The following CNBD1 variants were observed in gnomAD, a reference collection of about 807,000 sequenced individuals.
CNBD1 encodes cyclic nucleotide-binding domain-containing protein 1.
A neutral mutation model predicts 54.4 loss-of-function variants in CNBD1; 71 were observed. That is an observed-to-expected ratio of 1.30 (90% CI 1.08 to 1.59). CNBD1 has a LOEUF of 1.59. Among genes scored for constraint, CNBD1 ranks in the 40% most tolerant of loss-of-function variants. The probability of loss-of-function intolerance (pLI) is 0.00; values close to 1 mark genes in which losing one functional copy is unlikely to be tolerated. For synonymous variants in CNBD1, 182 were observed against 170.7 expected (o/e 1.07, Z -0.51); for missense variants, 659 against 518.0 (o/e 1.27, Z -2.64).
At chr8:86,878,562 T>A (rs1808559877) in intron 1 of CNBD1, among the ~76,000 whole-genome samples, 1 of 142,706 alleles carries the variant, frequency 7.0e-6, no homozygotes, top group Non-Finnish European at 1.5e-5. Flanking sequence ...CTCTGTATTA[T>A]CACAACTTTA....
At chr8:87,284,909 T>A in intron 7 of CNBD1, 94 bp downstream of exon 7, 1 of 912,188 alleles carries the variant, frequency 1.1e-6, no homozygotes, top group Non-Finnish European at 1.6e-6. Context: ...ATATCTGTTT[T>A]ATTTTTAAAT....
At chr8:86,976,242 C>G (rs1808340223) in intron 4 of CNBD1, among the ~76,000 whole-genome samples, 1 of 121,170 alleles carries the variant, frequency 8.3e-6, no homozygotes, top group Non-Finnish European at 1.7e-5. Context: ...GATGCAAGCT[C>G]ATTTGTCTAT....
At chr8:87,138,325 A>G (rs1016914834) in intron 4 of CNBD1, among the ~76,000 whole-genome samples, 7 of 152,188 alleles carry the variant, frequency 4.6e-5, no homozygotes, top group Admixed American at 2.6e-4. Flanking sequence ...GTGGGAATCC[A>G]GTTGTAATCT....
At position 87,414,219 on chromosome 8, in the gene CNBD1, G is replaced by T. The variant is rs1056580101; in HGVS notation, c.214-14327G>T. Among the ~76,000 whole-genome samples, 5 of 152,222 alleles carry T rather than the reference G, an allele frequency of 3.3e-5. No homozygotes were observed. In the South Asian group the frequency reaches 6.2e-4, roughly 19 times the overall value. Reference sequence around the variant, plus strand: ...AAAAAATGAAGAGTTCATGTCCTTTGTAGGGACATGGATGAAACTGGAAAT... The same window carrying T: ...AAAAAATGAAGAGTTCATGTCCTTTTTAGGGACATGGATGAAACTGGAAAT... On this transcript the variant is annotated intron_variant, in intron 2 of 7. Transcript: ENST00000521593.
chr8:87,312,745 C>T (rs1389532531), intron 8 of CNBD1, among the ~76,000 whole-genome samples: 1 of 151,824 alleles, frequency 6.6e-6, no homozygotes, highest in Non-Finnish European at 1.5e-5. Context: ...TTAGAAGACT[C>T]AGAAATTTCA....
intron 10 of CNBD1, among the ~76,000 whole-genome samples, chr8:87,372,719 A>C (rs1820353825): frequency 6.6e-6 from 1 of 151,830 alleles, no homozygotes; most frequent in South Asian, 2.1e-4. Context: ...TAAAATTCTC[A>C]AACTTTTATG....
At chr8:87,320,109 T>C (rs957662868) in intron 8 of CNBD1, among the ~76,000 whole-genome samples, 4 of 152,090 alleles carry the variant, frequency 2.6e-5, no homozygotes, top group African/African-American at 4.8e-5. Context: ...CATGACATTG[T>C]GATAGATGTT....
chr8:87,025,619 C>T (rs1563439484), intron 4 of CNBD1, among the ~76,000 whole-genome samples: 2 of 152,144 alleles, frequency 1.3e-5, no homozygotes, highest in Admixed American at 1.3e-4. Context: ...GTAACACTCA[C>T]TGTGAAGGTC....
intron 4 of CNBD1, among the ~76,000 whole-genome samples, chr8:87,136,563 ATAT>A (rs368798156): frequency 9.9e-6 from 1 of 101,352 alleles, no homozygotes; most frequent in Non-Finnish European, 1.8e-5. Flanking sequence ...TATAAATTAT[ATAT>A]TATATTTATA....
chr8:86,992,010 A>G (rs1808760334), intron 4 of CNBD1, among the ~76,000 whole-genome samples: 5 of 152,108 alleles, frequency 3.3e-5, no homozygotes, highest in African/African-American at 9.7e-5. Context: ...ATTATTCTGT[A>G]GATATCCATT....
At chr8:87,064,251 A>C (rs1380232738) in intron 4 of CNBD1, among the ~76,000 whole-genome samples, 2 of 151,924 alleles carry the variant, frequency 1.3e-5, no homozygotes, top group South Asian at 2.1e-4. Context: ...TTAAATAAAT[A>C]ATCTCGCTTT....
intron 10 of CNBD1, among the ~76,000 whole-genome samples, chr8:87,356,928 A>G (rs1031611142): frequency 4.6e-5 from 7 of 152,136 alleles, no homozygotes; most frequent in African/African-American, 4.8e-5. Flanking sequence ...CTGCTGCCCT[A>G]TGCCACCTCA....
chr8:87,184,356 A>C (rs559182368), intron 4 of CNBD1, among the ~76,000 whole-genome samples: 1 of 152,178 alleles, frequency 6.6e-6, no homozygotes, highest in Non-Finnish European at 1.5e-5. Context: ...GACTGACCGC[A>C]TGGGAAAGAC....
rs139858757 is a variant in CNBD1 at position 87,283,979 on chromosome 8, G to A, written c.772-699G>A. 2.1e-4 allele frequency among the ~76,000 whole-genome samples: 32 copies of A among 152,190 alleles called. No individual in the cohort carries two copies. In the East Asian group the frequency reaches 5.6e-3, roughly 27 times the overall value. Reference sequence around the variant, plus strand: ...TTAGCTAAAAAGAAAAATAGTCTATGGATTTGAAGTAGAAAAATGGAAGTT... The same window carrying A: ...TTAGCTAAAAAGAAAAATAGTCTATAGATTTGAAGTAGAAAAATGGAAGTT... On this transcript the variant is annotated intron_variant, in intron 6 of 10. Transcript: ENST00000518476.
intron 4 of CNBD1, among the ~76,000 whole-genome samples, chr8:86,996,541 T>G (rs1013723506): frequency 1.3e-5 from 2 of 152,238 alleles, no homozygotes; most frequent in African/African-American, 2.4e-5. Context: ...TACAATATTA[T>G]AGTAGCAGGC....
intron 4 of CNBD1, among the ~76,000 whole-genome samples, chr8:87,170,481 A>AT (rs1295300824): frequency 6.6e-6 from 1 of 152,146 alleles, no homozygotes; most frequent in East Asian, 1.9e-4. Flanking sequence ...GAAAGTGGGG[A>AT]TTCTTGTTAT....
At chr8:87,326,117 T>A (rs971794567) in intron 8 of CNBD1, among the ~76,000 whole-genome samples, 1 of 133,440 alleles carries the variant, frequency 7.5e-6, no homozygotes, top group Non-Finnish European at 1.7e-5. Context: ...TCTTTAAGAA[T>A]GTTGAATATT....
At chr8:87,297,437 C>G (rs191024145) in intron 8 of CNBD1, among the ~76,000 whole-genome samples, 1 of 152,080 alleles carries the variant, frequency 6.6e-6, no homozygotes, top group Non-Finnish European at 1.5e-5. Context: ...ACATGCAATA[C>G]TCTTTCTGAT....
At chr8:86,868,942 G>A (rs1006027392) in intron 1 of CNBD1, among the ~76,000 whole-genome samples, 1 of 76,816 alleles carries the variant, frequency 1.3e-5, no homozygotes, top group Non-Finnish European at 2.6e-5. Context: ...AAAAGAGGAA[G>A]GCGAGAGAGT....
Sources: allele counts gnomAD v4.1 joint callset (sites outside exome capture counted in the v4.1 genomes callset), GRCh38; gene constraint gnomAD v4.1.1; transcripts MANE v1.5; gene names NCBI Gene and HGNC (gene_info 2026-07-23, HGNC 2026-07-21).